PLXNA4: variants seen among roughly 807,000 people sequenced by gnomAD.
The protein encoded by PLXNA4 is plexin A4.
In PLXNA4, 44 loss-of-function variants were observed where a neutral mutation model predicts 191.8. The observed-to-expected ratio is 0.23, with a 90% CI of 0.18 to 0.29. PLXNA4 has a LOEUF of 0.29. Among genes scored for constraint, PLXNA4 ranks in the 10% least tolerant of loss-of-function variants. The probability of loss-of-function intolerance (pLI) is 1.00; values close to 1 mark genes in which losing one functional copy is unlikely to be tolerated. For synonymous variants in PLXNA4, 1,082 were observed against 1,009.5 expected, an observed-to-expected ratio of 1.07 and a Z score of -1.36; for missense variants, 1,800 against 2,488.8, an observed-to-expected ratio of 0.72 and a Z score of 5.89.
intron 3 of PLXNA4, among the ~76,000 whole-genome samples, chr7:132,458,165 C>T (rs1450053186): frequency 6.6e-6 from 1 of 152,006 alleles, no homozygotes. Context: ...CTGAAAACGA[C>T]AATGTACCCC....
chr7:132,648,398 G>A (rs1803926422), intron 1 of PLXNA4: 2 of 152,198 alleles, frequency 1.3e-5, no homozygotes, highest in Non-Finnish European at 2.9e-5. Context: ...TCAGCCAAGG[G>A]ACATCACTAA....
At chr7:132,396,538 T>C (rs1170550951) in intron 3 of PLXNA4, among the ~76,000 whole-genome samples, 1 of 152,228 alleles carries the variant, frequency 6.6e-6, no homozygotes, top group Non-Finnish European at 1.5e-5. Flanking sequence ...TCACCAAGTA[T>C]GGAGTGCAGT....
At chr7:132,427,527 C>T (rs958436664) in intron 3 of PLXNA4, among the ~76,000 whole-genome samples, 4 of 152,348 alleles carry the variant, frequency 2.6e-5, no homozygotes, top group African/African-American at 9.6e-5. Flanking sequence ...GGGGCCCTCA[C>T]CTCCACCCCT....
chr7:132,435,961 A>C (rs1282672607), intron 3 of PLXNA4, among the ~76,000 whole-genome samples: 2 of 152,212 alleles, frequency 1.3e-5, no homozygotes, highest in African/African-American at 4.8e-5. Flanking sequence ...AATAGTACTA[A>C]TATTCTCTAA....
At chr7:132,220,111 C>A (rs1257744051) in intron 9 of PLXNA4, among the ~76,000 whole-genome samples, 2 of 152,168 alleles carry the variant, frequency 1.3e-5, no homozygotes, top group Non-Finnish European at 1.5e-5. Context: ...CAAAACAAAA[C>A]AACAACATAA....
intron 1 of PLXNA4, among the ~76,000 whole-genome samples, chr7:132,557,807 G>C (rs578059214): frequency 1.3e-5 from 2 of 152,040 alleles, no homozygotes; most frequent in Non-Finnish European, 2.9e-5. Flanking sequence ...TGCAGACTTC[G>C]CCAGGAAGCT....
chr7:132,395,266 G>GT (rs2117013772), intron 3 of PLXNA4, among the ~76,000 whole-genome samples: 1 of 152,318 alleles, frequency 6.6e-6, no homozygotes, highest in African/African-American at 2.4e-5. Context: ...AGGACCATGG[G>GT]TTTTATGGGG....
At chr7:132,551,320 C>T (rs990071478) in intron 1 of PLXNA4, among the ~76,000 whole-genome samples, 2 of 152,116 alleles carry the variant, frequency 1.3e-5, no homozygotes, top group African/African-American at 4.8e-5. Flanking sequence ...ATGGAAGGAA[C>T]CTGGGCTCCT....
chr7:132,547,159 G>A (rs1800344853), intron 1 of PLXNA4, among the ~76,000 whole-genome samples: 1 of 152,144 alleles, frequency 6.6e-6, no homozygotes, highest in African/African-American at 2.4e-5. Flanking sequence ...ACAATAGGCT[G>A]TGCTCTTCAA....
At chr7:132,145,545 C>T (rs989472988) in intron 28 of PLXNA4, 12 of 488,844 alleles carry the variant, frequency 2.5e-5, no homozygotes, top group East Asian at 3.9e-5. Flanking sequence ...GCCAACAACA[C>T]GGTTTGGTTG....
chr7:132,211,521 C>T (rs1562923986), intron 9 of PLXNA4, among the ~76,000 whole-genome samples: 1 of 152,202 alleles, frequency 6.6e-6, no homozygotes, highest in Admixed American at 6.5e-5. Flanking sequence ...TGCTAAGTTC[C>T]AGGCTGTCAA....
intron 3 of PLXNA4, among the ~76,000 whole-genome samples, chr7:132,465,497 G>C (rs886382734): frequency 2.6e-5 from 4 of 152,194 alleles, no homozygotes; most frequent in African/African-American, 9.7e-5. Flanking sequence ...CCTTGGATTG[G>C]AGTGAAGTCA....
chr7:132,506,984 C>A (rs1369809386), intron 2 of PLXNA4, among the ~76,000 whole-genome samples: 1 of 152,232 alleles, frequency 6.6e-6, no homozygotes, highest in Non-Finnish European at 1.5e-5. Context: ...TTCCTAAAGA[C>A]ATACAAAGGG....
chr7:132,134,344 A>G lies in PLXNA4; in HGVS notation c.5439-1145T>C, dbSNP rs1795053498. 2.0e-5 allele frequency among the ~76,000 whole-genome samples: 3 copies of G among 152,072 alleles called. No homozygotes were observed. The South Asian group carries it at 6.2e-4, about 32-fold the overall frequency. On this transcript the variant is annotated intron_variant, in intron 30 of 31. Coordinates refer to ENST00000321063, the MANE Select transcript of PLXNA4 (RefSeq NM_020911.2). Reference sequence around the variant, plus strand: ...GTTTCCCTGACCTCTAACTGTTCCCATCAGTGCCTAGGAGGTGGGTGAAGA... The same window carrying G: ...GTTTCCCTGACCTCTAACTGTTCCCGTCAGTGCCTAGGAGGTGGGTGAAGA...
chr7:132,340,135 C>G (rs1802969490), intron 3 of PLXNA4, among the ~76,000 whole-genome samples: 1 of 152,176 alleles, frequency 6.6e-6, no homozygotes, highest in Non-Finnish European at 1.5e-5. Context: ...CTGAGGGAGT[C>G]TGTGGCAGTT....
chr7:132,375,231 G>T (rs1294394968), intron 3 of PLXNA4, among the ~76,000 whole-genome samples: 1 of 152,182 alleles, frequency 6.6e-6, no homozygotes, highest in African/African-American at 2.4e-5. Flanking sequence ...CACATGGCCA[G>T]TGCTTACACA....
rs12154424 is a variant in PLXNA4 at position 132,202,632 on chromosome 7, C to G, written c.2586+14G>C. 11,540 of 1,454,680 alleles carry G rather than the reference C, an allele frequency of 7.9e-3. 61 individuals are homozygous for G. Among genetic ancestry groups the G allele is most frequent in the Non-Finnish European group, 8.7e-3 (9,584 of 1,096,892 alleles). 90.1% of individuals were successfully genotyped at this position (1,454,680 alleles called of 1,614,324 possible). On this transcript the variant is annotated intron_variant, in intron 12 of 31. Transcript: ENST00000321063. ...GCCTGCCCATTTGGAGCAGGAGGCC[C>G]GACCCCGGCTTACCTCTGTGATGCG... is the stretch of plus-strand genomic sequence containing the variant.
At chr7:132,395,489 G>A (rs1212150475) in intron 3 of PLXNA4, among the ~76,000 whole-genome samples, 1 of 152,202 alleles carries the variant, frequency 6.6e-6, no homozygotes, top group Non-Finnish European at 1.5e-5. Context: ...GCACTGAGTG[G>A]GGGCACAAAG....
In PLXNA4 at chr7:132,219,764, A is replaced by G. The variant is rs10230412; in HGVS notation, c.2097+3763T>C. On this transcript the variant is annotated intron_variant, in intron 9 of 31. Transcript: ENST00000321063. ...TGACAAACTATATATATAGAGCAGA[A>G]GTCTCATAAGATTATAATATTGTGT... 4.7e-3 allele frequency among the ~76,000 whole-genome samples: 716 copies of G among 152,286 alleles called. 12 individuals are homozygous for G. Among genetic ancestry groups the G allele is most frequent in the African/African-American group, 0.016 (677 of 41,546 alleles).
Sources: gnomAD v4.1 joint callset for allele counts (sites outside exome capture counted in the v4.1 genomes callset) on GRCh38, gnomAD v4.1.1 for gene constraint, MANE v1.5 for transcripts, NCBI Gene and HGNC (gene_info 2026-07-23, HGNC 2026-07-21) for gene names.